The following ZNF230 variants were observed in gnomAD, a reference collection of about 807,000 sequenced individuals.
ZNF230 encodes the protein zinc finger protein 230.
Under a neutral mutation model 10.0 loss-of-function variants are expected in ZNF230, and 12 were observed. The ratio of observed to expected loss-of-function variants is 1.20; its 90% CI spans 0.77 to 1.95. The LOEUF (loss-of-function observed/expected upper bound fraction) is 1.95. ZNF230 is among the 30% of genes most tolerant of loss of function. The pLI, the probability that ZNF230 is intolerant of heterozygous loss-of-function variation, is 0.00. For synonymous variants in ZNF230, 174 were observed against 193.6 expected (o/e 0.90, Z 0.84); for missense variants, 532 against 565.8 (o/e 0.94, Z 0.61).
Position 44,011,047 on chromosome 19 carries a change from C to G in ZNF230, c.1008C>G (p.Tyr336Ter). The change falls in exon 5 of 5, where the codon TAC becomes TAG. Residue 336 changes from tyrosine (Y) to a stop codon, truncating the protein, a stop_gained. Transcript: ENST00000429154. LOFTEE classifies it low-confidence loss of function (END_TRUNC). ...HQIIHTGQKP[Y>*]NCKECGKSFR... ...TAATTCACACAGGACAGAAACCGTA[C>G]AATTGTAAAGAATGTGGGAAGAGCT... The G allele has an allele frequency of 6.2e-7, 1 of 1,614,146 alleles. No homozygotes were observed. Among genetic ancestry groups the G allele is most frequent in the Non-Finnish European group, 8.5e-7 (1 of 1,180,010 alleles).
chr19:44,006,400 C>G (rs1976124424), intron 1 of ZNF230, among the ~76,000 whole-genome samples: 1 of 152,192 alleles, frequency 6.6e-6, no homozygotes, highest in Admixed American at 6.5e-5. Context: ...AAGTATAAAT[C>G]TCCCAACAAT....
rs1060877 is a variant in ZNF230 at position 44,010,968 on chromosome 19, C to G, written c.929C>G (p.Ser310Cys). 1.2e-6 allele frequency: 2 copies of G among 1,614,168 alleles called. No homozygotes were observed. Among genetic ancestry groups the G allele is most frequent in the African/African-American group, 2.7e-5 (2 of 75,044 alleles). Residue 310 changes from serine to cysteine, a missense_variant, in exon 5 of 5, where the codon TCT (serine) becomes TGT (cysteine). Transcript: ENST00000429154. ...CACACAGCAGAGAAACTGTACAAAT[C>G]TGAGGAGTGTGGAAAAGGCTTCACT... Reference protein sequence around the residue: ...MVHTAEKLYKSEECGKGFTDS... With the variant: ...MVHTAEKLYKCEECGKGFTDS...
At chr19:44,005,174 A>G (rs1342790210) in intron 1 of ZNF230, among the ~76,000 whole-genome samples, 1 of 152,132 alleles carries the variant, frequency 6.6e-6, no homozygotes, top group Non-Finnish European at 1.5e-5. Flanking sequence ...TCATCTTTAT[A>G]TCATTTAAAA....
At chr19:44,009,264 T>C in intron 4 of ZNF230, 94 bp downstream of exon 4, 1 of 1,363,316 alleles carries the variant, frequency 7.3e-7, no homozygotes, top group Non-Finnish European at 1.0e-6. Flanking sequence ...CTGATCTAAA[T>C]TGCCCAATCT....
Position 44,008,787 on chromosome 19 carries a change from T to C in ZNF230, c.16-3T>C. 1 of 1,613,542 alleles carries C rather than the reference T, an allele frequency of 6.2e-7. No homozygotes were observed. The highest frequency in any genetic ancestry group is 8.5e-7 in the Non-Finnish European group (1 of 1,179,658). On this transcript the variant is annotated splice_polypyrimidine_tract_variant and splice_region_variant and intron_variant, in intron 2 of 4. Transcript: ENST00000429154. ...TTGAGGTTATGTATCCTTGATGTTATAGGAGGCAGTGACCTTCAAGGATGT... is the reference window on the plus strand; with the variant it reads ...TTGAGGTTATGTATCCTTGATGTTACAGGAGGCAGTGACCTTCAAGGATGT...
In ZNF230 at chr19:44,008,197, T is replaced by C. The variant is rs147563554; in HGVS notation, c.16-593T>C. ...AGCAGTTCCTCTCTAACTCAAGATA[T>C]TATCTTTTATGGATTGGACTAGAAC... On this transcript the variant is annotated intron_variant, in intron 2 of 4. Transcript: ENST00000429154. Among the ~76,000 whole-genome samples, 456 of 152,200 alleles carry C rather than the reference T, an allele frequency of 3.0e-3. 2 individuals are homozygous for C. The highest frequency in any genetic ancestry group is 0.011 in the African/African-American group (437 of 41,514).
In ZNF230 at chr19:44,007,055, A is replaced by G; in HGVS notation, c.-24A>G. The G allele has an allele frequency of 1.3e-6, 2 of 1,599,208 alleles. No individual in the cohort carries two copies. The highest frequency in any genetic ancestry group is 1.7e-6 in the Non-Finnish European group (2 of 1,167,134). On this transcript the variant is annotated 5_prime_UTR_variant, in exon 2 of 5. Transcript: ENST00000429154. The stretch of plus-strand genomic sequence containing the variant: ...TGTGCTCCATTACTCAAGACACTGA[A>G]GACTCCAAAAAGTAGTAGGAAAAAT...
intron 4 of ZNF230, among the ~76,000 whole-genome samples, chr19:44,010,042 A>G (rs1440475505): frequency 2.0e-5 from 3 of 152,204 alleles, no homozygotes; most frequent in African/African-American, 4.8e-5. Flanking sequence ...TTAAATGTAT[A>G]TATTATATCA....
chr19:44,008,798 G>A lies in ZNF230; in HGVS notation c.24G>A (p.Val8=). 1.9e-6 allele frequency: 3 copies of A among 1,613,814 alleles called. No homozygotes were observed. In the South Asian group the frequency reaches 3.3e-5, roughly 18 times the overall value. Residue 8 remains valine (V), a synonymous_variant, in exon 3 of 5, where the codon GTG becomes GTA. Transcript: ENST00000429154. MTTFKEA[V]TFKDVAVFFT... Reference sequence around the variant, plus strand: ...TATCCTTGATGTTATAGGAGGCAGTGACCTTCAAGGATGTGGCTGTGTTCT... The same window carrying A: ...TATCCTTGATGTTATAGGAGGCAGTAACCTTCAAGGATGTGGCTGTGTTCT...
rs1043152778 is a variant in ZNF230 at position 44,013,276 on chromosome 19, T to A, written c.*1812T>A. The A allele has an allele frequency of 6.6e-6, 1 of 152,218 alleles. No individual in the cohort carries two copies. Among genetic ancestry groups the A allele is most frequent in the Non-Finnish European group, 1.5e-5 (1 of 68,038 alleles). 9.4% of individuals were successfully genotyped at this position (152,218 alleles called of 1,614,324 possible). A position where few individuals can be genotyped will look rare whatever the true frequency, so the allele number is the denominator to read the frequency against. On this transcript the variant is annotated 3_prime_UTR_variant, in exon 5 of 5. Coordinates refer to ENST00000429154, the MANE Select transcript of ZNF230 (RefSeq NM_006300.4). ...AACCTAACCTAATATTCTCTTCCTATCTCTATGAAATACCAAGAGAAACCT... is the reference window on the plus strand; with the variant it reads ...AACCTAACCTAATATTCTCTTCCTAACTCTATGAAATACCAAGAGAAACCT...
chr19:44,012,851 A>G lies in ZNF230; in HGVS notation c.*1387A>G, dbSNP rs1170976207. 1 of 166,468 alleles carries G rather than the reference A, an allele frequency of 6.0e-6. No individual in the cohort carries two copies. The highest frequency in any genetic ancestry group is 1.3e-5 in the Non-Finnish European group (1 of 77,570). 10.3% of individuals were successfully genotyped at this position (166,468 alleles called of 1,614,324 possible). On this transcript the variant is annotated 3_prime_UTR_variant, in exon 5 of 5. Coordinates refer to ENST00000429154, the MANE Select transcript of ZNF230 (RefSeq NM_006300.4). ...CCAAAGCATTATTTTGGGTAATCTT[A>G]CCCTGTTGCACTTGGCTGCTGGCTT... is the stretch of plus-strand genomic sequence containing the variant.
intron 1 of ZNF230, chr19:44,004,446 G>A (rs753805847): frequency 2.0e-5 from 3 of 152,150 alleles, no homozygotes; most frequent in Admixed American, 1.3e-4. Flanking sequence ...GACTAAACTA[G>A]TGAGGCTGGT....
chr19:44,010,358 C>G lies in ZNF230; in HGVS notation c.319C>G (p.Gln107Glu). The change falls in exon 5 of 5, where the codon CAA (glutamine) becomes GAA (glutamate). Residue 107 changes from glutamine to glutamate, a missense_variant. By Grantham distance (29) the Gln-to-Glu change is conservative. Coordinates refer to ENST00000429154, the MANE Select transcript of ZNF230 (RefSeq NM_006300.4). The stretch of plus-strand genomic sequence containing the variant: ...AACTGCAAGTGACTTAACCCAGTCT[C>G]AAGACTCCATCATAAATAATTCTCA... ...EQTASDLTQSQDSIINNSHFF... is the reference protein window; with the variant it reads ...EQTASDLTQSEDSIINNSHFF... 6.2e-7 allele frequency: 1 copy of G among 1,614,220 alleles called. No individual in the cohort carries two copies. The highest frequency in any genetic ancestry group is 8.5e-7 in the Non-Finnish European group (1 of 1,180,036).
Position 44,010,757 on chromosome 19 carries a change from C to T in ZNF230, c.718C>T (p.Gln240Ter), listed in dbSNP as rs1050736780. Reference sequence around the variant, plus strand: ...AGGCTTCAGATGTAGAGCGATACTTCAAGTTCACTGCAAATTACACACAGG... The same window carrying T: ...AGGCTTCAGATGTAGAGCGATACTTTAAGTTCACTGCAAATTACACACAGG... Reference protein sequence around the residue: ...GKGFRCRAILQVHCKLHTGEK... With the variant: ...GKGFRCRAIL Residue 240 changes from glutamine (Q) to a stop codon, truncating the protein, a stop_gained, in exon 5 of 5, where the codon CAA becomes TAA. Coordinates refer to ENST00000429154, the MANE Select transcript of ZNF230 (RefSeq NM_006300.4). LOFTEE classifies it low-confidence loss of function (END_TRUNC). 2 of 1,614,204 alleles carry T rather than the reference C, an allele frequency of 1.2e-6. No homozygotes were observed. The highest frequency in any genetic ancestry group is 1.7e-6 in the Non-Finnish European group (2 of 1,180,030).
intron 2 of ZNF230, 76 bp from the exon 3 acceptor site, chr19:44,008,714 T>C: frequency 3.2e-6 from 5 of 1,540,582 alleles, no homozygotes; most frequent in Non-Finnish European, 4.4e-6. Flanking sequence ...ACTTCTCCTC[T>C]CCGCCTGCTC....
rs1422423951 is a variant in ZNF230, at chr19:44,013,164, C to T, written c.*1700C>T. On this transcript the variant is annotated 3_prime_UTR_variant, in exon 5 of 5. Coordinates refer to ENST00000429154, the MANE Select transcript of ZNF230 (RefSeq NM_006300.4). ...GATTGCTTCTGTATTTCCATGCAGG[C>T]CTTGATATAATGGCCTTCTAATTGT... 6.6e-6 allele frequency: 1 copy of T among 152,166 alleles called. No homozygotes were observed. The highest frequency in any genetic ancestry group is 2.4e-5 in the African/African-American group (1 of 41,436). The allele number at this position is 152,166 out of a possible 1,614,324, so 9.4% of individuals were successfully genotyped here. A position where few individuals can be genotyped will look rare whatever the true frequency, so the allele number is the denominator to read the frequency against.
At position 44,005,686 on chromosome 19, in the gene ZNF230, C is replaced by A. The variant is rs889671117; in HGVS notation, c.-68-1325C>A. ...GGTGGATCTCCTGAGGTCAGGAGTT[C>A]GAGACCAGCCTGGCCAACATGGTGA... On this transcript the variant is annotated intron_variant, in intron 1 of 4. Coordinates refer to ENST00000429154, the MANE Select transcript of ZNF230 (RefSeq NM_006300.4). Among the ~76,000 whole-genome samples the A allele has an allele frequency of 5.3e-5, 8 of 151,928 alleles. No individual in the cohort carries two copies. In the East Asian group the frequency reaches 1.4e-3, roughly 26 times the overall value.
Position 44,011,156 on chromosome 19 carries a change from T to A in ZNF230, c.1117T>A (p.Tyr373Asn), listed in dbSNP as rs763080619. 1.9e-6 allele frequency: 3 copies of A among 1,614,228 alleles called. No homozygotes were observed. In the East Asian group the frequency reaches 6.7e-5, roughly 36 times the overall value. The change falls in exon 5 of 5, where the codon TAC (tyrosine) becomes AAC (asparagine). Residue 373 changes from tyrosine (Y) to asparagine (N), a missense_variant. Physicochemically the swap from Tyr to Asn is moderately radical, Grantham distance 143. Transcript: ENST00000429154. ...CAGATGTGAGGAGTGTGGGAAGGGC[T>A]ACATTAGTAAGTCAGGTCTTAACTT... Reference protein sequence around the residue: ...PYRCEECGKGYISKSGLNLHQ... With the variant: ...PYRCEECGKGNISKSGLNLHQ...
chr19:44,012,569 T>A lies in ZNF230; in HGVS notation c.*1105T>A. The A allele has an allele frequency of 2.1e-6, 1 of 475,412 alleles. No homozygotes were observed. 29.4% of individuals were successfully genotyped at this position (475,412 alleles called of 1,614,324 possible). On this transcript the variant is annotated 3_prime_UTR_variant, in exon 5 of 5. Transcript: ENST00000429154. ...GTCATTCAGGAGACAGGCCTTAGAATAAGAGTTTGTTCACACATTTACAAA... is the reference window on the plus strand; with the variant it reads ...GTCATTCAGGAGACAGGCCTTAGAAAAAGAGTTTGTTCACACATTTACAAA...
Sources: gnomAD v4.1 joint callset for allele counts (sites outside exome capture counted in the v4.1 genomes callset) on GRCh38, gnomAD v4.1.1 for gene constraint, MANE v1.5 for transcripts, NCBI Gene and HGNC (gene_info 2026-07-23, HGNC 2026-07-21) for gene names.